Variants in TFEC observed in about 807,000 individuals in gnomAD.
TFEC encodes the protein transcription factor EC, also known as class E basic helix-loop-helix protein 34.
A neutral mutation model predicts 41.6 loss-of-function variants in TFEC; 31 were observed. That is an observed-to-expected ratio of 0.74 (90% CI 0.56 to 1.01). The LOEUF (loss-of-function observed/expected upper bound fraction) is 1.01. Ranked by LOEUF, TFEC falls within the 50% of genes least tolerant of loss-of-function variation. TFEC has a pLI of 0.00. For synonymous variants in TFEC, 143 were observed against 140.6 expected (o/e 1.02, Z -0.12); for missense variants, 402 against 404.1 (o/e 0.99, Z 0.04).
At chr7:115,986,396 TGAGA>T (rs1554395735) in intron 1 of TFEC, among the ~76,000 whole-genome samples, 3 of 152,018 alleles carry the variant, frequency 2.0e-5, no homozygotes, top group Non-Finnish European at 4.4e-5. Flanking sequence ...ATTCAGCTAG[TGAGA>T]GAAAGAAGTG....
At position 115,985,660 on chromosome 7, in the gene TFEC, T is replaced by C. The variant is rs114781889; in HGVS notation, c.-72-1147A>G. ...TAGTTACTTTAGTTTAATTCTGTTA[T>C]GCTGACATTTTTAGCATTATTTTAA... On this transcript the variant is annotated intron_variant, in intron 1 of 7. Transcript: ENST00000265440. Among the ~76,000 whole-genome samples the C allele has an allele frequency of 3.9e-3, 598 of 152,270 alleles. 5 individuals are homozygous for C. The highest frequency in any genetic ancestry group is 0.014 in the African/African-American group (577 of 41,576).
At chr7:116,150,034 C>T (rs1798727891) in intron 1 of TFEC, among the ~76,000 whole-genome samples, 1 of 150,672 alleles carries the variant, frequency 6.6e-6, no homozygotes, top group South Asian at 2.1e-4. Context: ...ATCTTGTTTC[C>T]CCACCAAGTA....
chr7:115,948,738 T>C (rs1791756044), intron 6 of TFEC, among the ~76,000 whole-genome samples: 1 of 148,776 alleles, frequency 6.7e-6, no homozygotes, highest in Non-Finnish European at 1.5e-5. Context: ...CCACAGCCAA[T>C]ATCATACTGA....
intron 2 of TFEC, chr7:116,111,978 T>G (rs1202530399): frequency 1.0e-6 from 1 of 986,456 alleles, no homozygotes; most frequent in Non-Finnish European, 1.2e-6. Context: ...ACACTTTGTA[T>G]GAAAACTGCA....
chr7:115,954,424 A>G (rs988633082), intron 5 of TFEC, among the ~76,000 whole-genome samples, 162 bp downstream of exon 5: 1 of 152,060 alleles, frequency 6.6e-6, no homozygotes. Flanking sequence ...CTTTTCTGAG[A>G]GCTCACATTG....
At chr7:116,078,447 C>T (rs1291734865) in intron 3 of TFEC, among the ~76,000 whole-genome samples, 1 of 151,430 alleles carries the variant, frequency 6.6e-6, no homozygotes, top group Non-Finnish European at 1.5e-5. Flanking sequence ...TGAGATTAAC[C>T]AAGAAAAGAA....
intron 1 of TFEC, among the ~76,000 whole-genome samples, chr7:116,007,539 T>C (rs1794845380): frequency 6.6e-6 from 1 of 152,204 alleles, no homozygotes. Flanking sequence ...TTTCACAAAA[T>C]GGTTTACAAA....
chr7:116,128,014 G>A (rs1279427039), intron 1 of TFEC, among the ~76,000 whole-genome samples: 1 of 152,040 alleles, frequency 6.6e-6, no homozygotes. Flanking sequence ...AAAACCACAA[G>A]AGAAAAGATC....
At chr7:116,016,123 G>C (rs1056452282) in intron 1 of TFEC, among the ~76,000 whole-genome samples, 3 of 152,268 alleles carry the variant, frequency 2.0e-5, no homozygotes, top group Middle Eastern at 3.4e-3. Flanking sequence ...AGCTAATGTA[G>C]GATAGAGTTT....
At chr7:116,086,809 T>C (rs2131074939) in intron 3 of TFEC, among the ~76,000 whole-genome samples, 1 of 152,066 alleles carries the variant, frequency 6.6e-6, no homozygotes, top group African/African-American at 2.4e-5. Flanking sequence ...AAACAGCTTA[T>C]ACTTAAATAG....
rs538685173 is a variant in TFEC, at chr7:115,940,331, G to A, written c.*220C>T. The stretch of plus-strand genomic sequence containing the variant: ...CAGAATTTAAGTGGATTTGGACTCC[G>A]TAGTCAAAGAAGAAAACACCTTTTT... On this transcript the variant is annotated 3_prime_UTR_variant, in exon 8 of 8. Transcript: ENST00000265440. The A allele has an allele frequency of 1.1e-5, 5 of 455,150 alleles. No individual in the cohort carries two copies. The East Asian group carries it at 1.1e-4, about 10-fold the overall frequency. The allele number at this position is 455,150 out of a possible 1,614,324, so 28.2% of individuals were successfully genotyped here.
chr7:115,942,773 G>C (rs1183902603), intron 6 of TFEC, among the ~76,000 whole-genome samples: 1 of 151,898 alleles, frequency 6.6e-6, no homozygotes, highest in African/African-American at 2.4e-5. Context: ...TTTTAAGACA[G>C]GAGAAATTAA....
chr7:116,060,918 GA>G (rs930814798), intron 3 of TFEC, among the ~76,000 whole-genome samples: 4 of 151,856 alleles, frequency 2.6e-5, no homozygotes, highest in African/African-American at 7.3e-5. Context: ...CAAAATATGT[GA>G]AAAAATATTA....
At chr7:116,052,540 T>C (rs1251309060) in intron 3 of TFEC, among the ~76,000 whole-genome samples, 1 of 152,028 alleles carries the variant, frequency 6.6e-6, no homozygotes, top group African/African-American at 2.4e-5. Context: ...GTGATTCTCC[T>C]GCCTCAGACT....
chr7:116,109,999 T>G (rs1235536515), intron 3 of TFEC, among the ~76,000 whole-genome samples: 1 of 152,148 alleles, frequency 6.6e-6, no homozygotes, highest in Non-Finnish European at 1.5e-5. Context: ...CACCGCATGT[T>G]CTCACTCATA....
intron 3 of TFEC, among the ~76,000 whole-genome samples, chr7:116,054,134 A>C (rs1562952987): frequency 6.6e-6 from 1 of 152,156 alleles, no homozygotes. Context: ...GGACTGTGCT[A>C]TCTACTGAAT....
At chr7:116,077,187 A>G (rs554335433) in intron 3 of TFEC, among the ~76,000 whole-genome samples, 1 of 152,308 alleles carries the variant, frequency 6.6e-6, no homozygotes, top group East Asian at 1.9e-4. Context: ...AGCTTCGTAA[A>G]TGAAGGAAAG....
intron 1 of TFEC, among the ~76,000 whole-genome samples, chr7:115,998,175 G>T (rs1794442835): frequency 1.3e-5 from 2 of 151,924 alleles, no homozygotes; most frequent in South Asian, 2.1e-4. Flanking sequence ...AAACACCAAA[G>T]GTCAAGAATA....
At chr7:115,987,337 G>A (rs1220800483) in intron 1 of TFEC, among the ~76,000 whole-genome samples, 1 of 152,154 alleles carries the variant, frequency 6.6e-6, no homozygotes, top group Non-Finnish European at 1.5e-5. Context: ...ATAACTCACT[G>A]TAAAACACCA....
Sources: gnomAD v4.1 joint callset for allele counts (sites outside exome capture counted in the v4.1 genomes callset) on GRCh38, gnomAD v4.1.1 for gene constraint, MANE v1.5 for transcripts, NCBI Gene and HGNC (gene_info 2026-07-23, HGNC 2026-07-21) for gene names.